Variants in TMEM74 observed in about 807,000 individuals in gnomAD.
The protein encoded by TMEM74 is transmembrane protein 74.
TMEM74 carries 13 observed loss-of-function variants against 18.1 expected under a neutral mutation model. The observed-to-expected ratio is 0.72, with a 90% confidence interval of 0.47 to 1.14. TMEM74 has a LOEUF of 1.14. TMEM74 is among the 50% of genes most tolerant of loss of function. The probability of loss-of-function intolerance (pLI) is 0.00; values close to 1 mark genes in which losing one functional copy is unlikely to be tolerated. For missense variants in TMEM74, 372 were observed against 375.9 expected (o/e 0.99, Z 0.09); for synonymous variants, 159 against 146.6 (o/e 1.08, Z -0.61).
At chr8:108,776,659 T>C (rs1814236414), downstream of TMEM74, among the ~76,000 whole-genome samples, 1 of 152,128 alleles carries the variant, frequency 6.6e-6, no homozygotes, top group Admixed American at 6.5e-5. Context: ...AAGGGAGATG[T>C]AAATTTCTTT....
intron 1 of TMEM74, among the ~76,000 whole-genome samples, chr8:108,662,685 C>T (rs1812912371): frequency 6.6e-6 from 1 of 152,052 alleles, no homozygotes; most frequent in African/African-American, 2.4e-5. Flanking sequence ...GTTTGAGGTT[C>T]CTTAGAGACC....
intron 2 of TMEM74, among the ~76,000 whole-genome samples, chr8:108,645,537 T>A (rs973604960): frequency 6.6e-6 from 1 of 152,072 alleles, no homozygotes; most frequent in Admixed American, 6.6e-5. Context: ...GGGTCAGTGA[T>A]CAGAAATCTG....
intron 2 of TMEM74, among the ~76,000 whole-genome samples, chr8:108,628,256 T>A (rs1298563733): frequency 6.6e-6 from 1 of 151,974 alleles, no homozygotes; most frequent in Non-Finnish European, 1.5e-5. Flanking sequence ...AACTAATTTA[T>A]CACCTTTTTG....
At chr8:108,633,711 G>A (rs1247869468) in intron 2 of TMEM74, among the ~76,000 whole-genome samples, 1 of 151,926 alleles carries the variant, frequency 6.6e-6, no homozygotes, top group Non-Finnish European at 1.5e-5. Context: ...TCCCCAGTGA[G>A]CATGCTTGTG....
At chr8:108,743,979 T>G (rs1317083194) in intron 1 of TMEM74, among the ~76,000 whole-genome samples, 1 of 152,156 alleles carries the variant, frequency 6.6e-6, no homozygotes, top group Non-Finnish European at 1.5e-5. Flanking sequence ...GCAACCAAGG[T>G]ACTCAATCCT....
chr8:108,688,980 G>A (rs1342409606), intron 1 of TMEM74, among the ~76,000 whole-genome samples: 1 of 152,186 alleles, frequency 6.6e-6, no homozygotes, highest in Admixed American at 6.5e-5. Context: ...TGTCAAGTCT[G>A]TATGCCAAGG....
chr8:108,711,744 G>C (rs145689803), intron 1 of TMEM74, among the ~76,000 whole-genome samples: 1 of 152,244 alleles, frequency 6.6e-6, no homozygotes, highest in African/African-American at 2.4e-5. Flanking sequence ...CCATGTAAGA[G>C]GGAGGTCTCC....
intron 1 of TMEM74, among the ~76,000 whole-genome samples, chr8:108,675,937 G>C (rs573387635): frequency 2.2e-4 from 34 of 152,146 alleles, no homozygotes; most frequent in African/African-American, 8.0e-4. Context: ...ATTCATATTA[G>C]TTATAATATA....
intron 1 of TMEM74, among the ~76,000 whole-genome samples, chr8:108,698,027 T>A (rs943564568): frequency 7.9e-5 from 12 of 152,206 alleles, no homozygotes; most frequent in South Asian, 2.1e-4. Context: ...CATGTGGTTT[T>A]TTTTCCTCCT....
chr8:108,716,935 T>C (rs1813528852), intron 1 of TMEM74, among the ~76,000 whole-genome samples: 1 of 151,886 alleles, frequency 6.6e-6, no homozygotes, highest in Non-Finnish European at 1.5e-5. Context: ...TTGATAAATT[T>C]TAAAACTCAA....
intron 2 of TMEM74, among the ~76,000 whole-genome samples, chr8:108,643,210 A>G (rs536254039): frequency 6.6e-6 from 1 of 152,182 alleles, no homozygotes; most frequent in Admixed American, 6.5e-5. Flanking sequence ...AAAGCTTTTT[A>G]AAAACACAGA....
intron 1 of TMEM74, among the ~76,000 whole-genome samples, chr8:108,711,780 A>G (rs1324376020): frequency 6.6e-6 from 1 of 152,112 alleles, no homozygotes; most frequent in Non-Finnish European, 1.5e-5. Context: ...GGCTGTCAGG[A>G]GAAGACATTA....
downstream of TMEM74, among the ~76,000 whole-genome samples, chr8:108,778,101 G>A (rs1814252887): frequency 6.6e-6 from 1 of 152,056 alleles, no homozygotes; most frequent in African/African-American, 2.4e-5. Flanking sequence ...GATCATTAGA[G>A]AAGATGAGAA....
At chr8:108,710,217 G>GT (rs1396449716) in intron 1 of TMEM74, among the ~76,000 whole-genome samples, 8 of 152,334 alleles carry the variant, frequency 5.3e-5, no homozygotes, top group South Asian at 4.1e-4. Flanking sequence ...ATTCTTACAT[G>GT]TTTTTTCTGC....
rs188136314 is a variant in TMEM74 at position 108,624,031 on chromosome 8, T to C, written n.265-15205A>G. ...GTTAATTCTTCCAGCCATAGTCAGA[T>C]TTCCCAGTGCCAGGATATGCATAGT... is the stretch of plus-strand genomic sequence containing the variant. On this transcript the variant is annotated intron_variant and non_coding_transcript_variant, in intron 2 of 3. Transcript: ENST00000518838. Among the ~76,000 whole-genome samples, 114 of 152,216 alleles carry C rather than the reference T, an allele frequency of 7.5e-4. 4 individuals are homozygous for C. Among genetic ancestry groups the C allele is most frequent in the African/African-American group, 2.7e-3 (111 of 41,582 alleles).
chr8:108,709,605 TAC>T (rs1813455048), intron 1 of TMEM74, among the ~76,000 whole-genome samples: 1 of 152,156 alleles, frequency 6.6e-6, no homozygotes, highest in Non-Finnish European at 1.5e-5. Flanking sequence ...GCGTCTGCTG[TAC>T]AGAGTAGTGC....
At chr8:108,678,903 C>A (rs1813084104) in intron 1 of TMEM74, among the ~76,000 whole-genome samples, 1 of 123,738 alleles carries the variant, frequency 8.1e-6, no homozygotes, top group African/African-American at 3.0e-5. Context: ...CCCCCTCCCC[C>A]CACCCCACAA....
intron 1 of TMEM74, among the ~76,000 whole-genome samples, chr8:108,729,544 A>G (rs1813673954): frequency 6.6e-6 from 1 of 152,254 alleles, no homozygotes; most frequent in African/African-American, 2.4e-5. Context: ...CATTTTGCCT[A>G]TCAGAATATT....
chr8:108,759,068 T>C (rs1814010129), intron 1 of TMEM74, among the ~76,000 whole-genome samples: 1 of 152,054 alleles, frequency 6.6e-6, no homozygotes, highest in African/African-American at 2.4e-5. Context: ...AATGCATCCA[T>C]AAAATCCATG....
Sources: allele counts gnomAD v4.1 joint callset (sites outside exome capture counted in the v4.1 genomes callset), GRCh38; gene constraint gnomAD v4.1.1; transcripts MANE v1.5; gene names NCBI Gene and HGNC (gene_info 2026-07-23, HGNC 2026-07-21).